The following OCA2 variants were observed in gnomAD, a reference collection of about 807,000 sequenced individuals.
OCA2 encodes OCA2 melanosomal transmembrane protein, also known as P protein.
Under a neutral mutation model 100.2 loss-of-function variants are expected in OCA2, and 77 were observed. The ratio of observed to expected loss-of-function variants is 0.77; its 90% CI spans 0.64 to 0.93. OCA2 has a LOEUF of 0.93. Among genes scored for constraint, OCA2 ranks in the 40% least tolerant of loss-of-function variants. The probability of loss-of-function intolerance (pLI) is 0.00; values close to 1 mark genes in which losing one functional copy is unlikely to be tolerated. For missense variants in OCA2, 1,062 were observed against 1,089.1 expected (o/e 0.98, Z 0.35); for synonymous variants, 432 against 439.2 (o/e 0.98, Z 0.21).
At chr15:27,982,527 T>A (rs894217992) in intron 14 of OCA2, among the ~76,000 whole-genome samples, 2 of 152,208 alleles carry the variant, frequency 1.3e-5, no homozygotes, top group Non-Finnish European at 2.9e-5. Context: ...AGCTAGGGAA[T>A]GCAGAGCCAT....
intron 2 of OCA2, among the ~76,000 whole-genome samples, chr15:28,077,060 G>GTT (rs1020481789): frequency 6.1e-5 from 8 of 131,118 alleles, no homozygotes; most frequent in Non-Finnish European, 8.3e-5. Context: ...TGCTTAATTT[G>GTT]TTTTTTTTTT....
At chr15:27,807,145 A>G (rs575544877) in intron 23 of OCA2, among the ~76,000 whole-genome samples, 6 of 152,224 alleles carry the variant, frequency 3.9e-5, no homozygotes, top group Admixed American at 2.6e-4. Flanking sequence ...AGCCTGGGTG[A>G]TGCTTACCAG....
intron 23 of OCA2, among the ~76,000 whole-genome samples, chr15:27,793,549 T>C (rs1465285572): frequency 6.6e-6 from 1 of 152,208 alleles, no homozygotes; most frequent in Non-Finnish European, 1.5e-5. Flanking sequence ...GTGTTCAGAG[T>C]CCTTGCTTTA....
At chr15:27,797,653 T>A (rs2033402278) in intron 23 of OCA2, among the ~76,000 whole-genome samples, 1 of 152,204 alleles carries the variant, frequency 6.6e-6, no homozygotes, top group South Asian at 2.1e-4. Flanking sequence ...TTTAATTTGT[T>A]ACGTTTAGCC....
Position 28,081,706 on chromosome 15 carries a change from C to T in OCA2, c.169G>A (p.Gly57Arg), listed in dbSNP as rs372901106. The T allele has an allele frequency of 8.7e-6, 14 of 1,613,710 alleles. No homozygotes were observed. The highest frequency in any genetic ancestry group is 1.6e-4 in the Middle Eastern group (1 of 6,084). Residue 57 changes from glycine to arginine, a missense_variant, in exon 2 of 24, where the codon GGG (glycine) becomes AGG (arginine). Coordinates refer to ENST00000354638, the MANE Select transcript of OCA2 (RefSeq NM_000275.3). ...CCTGCAGGAGCCCAAGAGCTCTGCC[C>T]GGCAGCCCCCCTGGGGCAGGAGTGC... ...PSHSCPRGAA[G>R]QSSWAPAGQE...
At chr15:27,903,521 TC>T (rs2038047893) in intron 19 of OCA2, among the ~76,000 whole-genome samples, 1 of 152,214 alleles carries the variant, frequency 6.6e-6, no homozygotes, top group East Asian at 1.9e-4. Flanking sequence ...GGAGTCTTGC[TC>T]TGTTGCCCCG....
At chr15:28,061,564 G>C (rs2043874313) in intron 2 of OCA2, among the ~76,000 whole-genome samples, 1 of 152,126 alleles carries the variant, frequency 6.6e-6, no homozygotes, top group African/African-American at 2.4e-5. Flanking sequence ...TGGAGTCCTT[G>C]TGAATGGAAT....
At chr15:28,082,324 G>A (rs969650261) in intron 1 of OCA2, among the ~76,000 whole-genome samples, 1 of 152,180 alleles carries the variant, frequency 6.6e-6, no homozygotes, top group Non-Finnish European at 1.5e-5. Flanking sequence ...CTAATCTGTG[G>A]ATACTTTCGA....
At chr15:27,798,254 G>A (rs1184862232) in intron 23 of OCA2, among the ~76,000 whole-genome samples, 2 of 152,190 alleles carry the variant, frequency 1.3e-5, no homozygotes, top group African/African-American at 4.8e-5. Flanking sequence ...TGGCTCACAG[G>A]AGGCTGACCG....
At chr15:27,804,380 T>G (rs893122063) in intron 23 of OCA2, among the ~76,000 whole-genome samples, 1 of 152,188 alleles carries the variant, frequency 6.6e-6, no homozygotes, top group Non-Finnish European at 1.5e-5. Flanking sequence ...TAACCATGTT[T>G]TGAGTGTTGG....
chr15:27,985,200 C>T lies in OCA2; in HGVS notation c.1240-12G>A. ...GAGAGCCGGTATGCCTGGCCACACA[C>T]ACACAGAGAGAGTACAAGCCAGAGT... On this transcript the variant is annotated splice_polypyrimidine_tract_variant and intron_variant, in intron 12 of 23. Transcript: ENST00000354638. The T allele has an allele frequency of 6.2e-7, 1 of 1,613,626 alleles. No individual in the cohort carries two copies. The highest frequency in any genetic ancestry group is 1.3e-5 in the African/African-American group (1 of 75,062).
intron 18 of OCA2, among the ~76,000 whole-genome samples, chr15:27,935,811 G>T (rs997842525): frequency 1.3e-5 from 2 of 152,198 alleles, no homozygotes; most frequent in Admixed American, 1.3e-4. Context: ...TTGAAACCTT[G>T]TCATCTTTTA....
chr15:27,803,666 T>C (rs973731203), intron 23 of OCA2, among the ~76,000 whole-genome samples: 3 of 152,216 alleles, frequency 2.0e-5, no homozygotes, highest in Non-Finnish European at 4.4e-5. Flanking sequence ...ATGGTGGCGA[T>C]GGTTGCACAA....
At chr15:28,082,342 G>C (rs72714113) in intron 1 of OCA2, among the ~76,000 whole-genome samples, 1 of 152,140 alleles carries the variant, frequency 6.6e-6, no homozygotes, top group East Asian at 1.9e-4. Flanking sequence ...CGATGTTTTG[G>C]TTTTCACAGT....
At chr15:27,908,598 C>T (rs2038267105) in intron 19 of OCA2, among the ~76,000 whole-genome samples, 1 of 152,118 alleles carries the variant, frequency 6.6e-6, no homozygotes, top group African/African-American at 2.4e-5. Flanking sequence ...GGACACACAG[C>T]CAGATCATAA....
At chr15:27,728,408 T>A in the OCA2 span, among the ~76,000 whole-genome samples, 1 of 151,982 alleles carries the variant, frequency 6.6e-6, no homozygotes, top group African/African-American at 2.4e-5. Flanking sequence ...TTTTTTTTTC[T>A]AAATGAGCTG....
chr15:27,723,369 T>C, the OCA2 span, among the ~76,000 whole-genome samples: 1 of 152,202 alleles, frequency 6.6e-6, no homozygotes, highest in Admixed American at 6.5e-5. Context: ...ACACACGTGC[T>C]ATGAGCACTG....
At chr15:27,727,847 C>T in the OCA2 span, among the ~76,000 whole-genome samples, 8 of 152,202 alleles carry the variant, frequency 5.3e-5, no homozygotes, top group African/African-American at 1.2e-4. Context: ...CACACCCAAA[C>T]GGAGAGTGTC....
In OCA2 at chr15:27,985,087, G is replaced by A. The variant is rs2041304549; in HGVS notation, c.1341C>T (p.Leu447=). The A allele has an allele frequency of 6.2e-7, 1 of 1,613,982 alleles. No homozygotes were observed. Among genetic ancestry groups the A allele is most frequent in the Non-Finnish European group, 8.5e-7 (1 of 1,179,930 alleles). The change falls in exon 13 of 24, where the codon CTC becomes CTT. Residue 447 remains leucine (L), a synonymous_variant. Transcript: ENST00000354638. ...SAFLDNVTTM[L]LFTPVTIRLC... Reference sequence around the variant, plus strand: ...ACCTTATGGTCACAGGCGTGAAGAGGAGCATGGTGGTGACGTTGTCCAAGA... The same window carrying A: ...ACCTTATGGTCACAGGCGTGAAGAGAAGCATGGTGGTGACGTTGTCCAAGA...
Sources: gnomAD v4.1 joint callset for allele counts (sites outside exome capture counted in the v4.1 genomes callset) on GRCh38, gnomAD v4.1.1 for gene constraint, MANE v1.5 for transcripts, NCBI Gene and HGNC (gene_info 2026-07-23, HGNC 2026-07-21) for gene names.